RESP18: variants seen among roughly 807,000 people sequenced by gnomAD.
The protein encoded by RESP18 is regulated endocrine specific protein 18, also known as regulated endocrine-specific protein 18.
A neutral mutation model predicts 30.0 loss-of-function variants in RESP18; 30 were observed. That is an observed-to-expected ratio of 1.00 (90% CI 0.75 to 1.36). RESP18 has a LOEUF of 1.36. Among genes scored for constraint, RESP18 ranks in the 40% most tolerant of loss-of-function variants. RESP18 has a pLI of 0.00. For synonymous variants in RESP18, 117 were observed against 111.2 expected (o/e 1.05, Z -0.33); for missense variants, 320 against 284.2 (o/e 1.13, Z -0.91).
At chr2:219,332,184 C>T (rs1037989056) in intron 2 of RESP18, among the ~76,000 whole-genome samples, 2 of 152,164 alleles carry the variant, frequency 1.3e-5, no homozygotes, top group African/African-American at 4.8e-5. Context: ...GCCAAGACCC[C>T]GATACCCGCA....
chr2:219,332,990 A>G (rs994814048), intron 1 of RESP18, among the ~76,000 whole-genome samples: 1 of 152,120 alleles, frequency 6.6e-6, no homozygotes, highest in African/African-American at 2.4e-5. Flanking sequence ...TCAAATATGA[A>G]CAGCGATGAA....
chr2:219,329,570 A>G, intron 4 of RESP18, 67 bp downstream of exon 3: 1 of 1,545,132 alleles, frequency 6.5e-7, no homozygotes, highest in Non-Finnish European at 8.8e-7. Flanking sequence ...GTTTTAGCAC[A>G]CATTCCTTCC....
intron 1 of RESP18, 78 bp from the exon 1 acceptor site, chr2:219,332,822 C>T: frequency 9.3e-7 from 1 of 1,077,426 alleles, no homozygotes. Context: ...CCCCTACCGC[C>T]TCCCCACCCT....
At chr2:219,330,363 A>G (rs938528163) in intron 3 of RESP18, among the ~76,000 whole-genome samples, 20 of 151,500 alleles carry the variant, frequency 1.3e-4, no homozygotes, top group African/African-American at 4.9e-4. Context: ...TGGACTCTCC[A>G]CTCCCTTTCA....
chr2:219,332,755 G>A lies in RESP18; in HGVS notation c.18-17C>T, dbSNP rs1222890471. Reference sequence around the variant, plus strand: ...ACTCCGAATCTGTTTAACCCTCCTCGGCAGTTCAGCCAATCGTGAGCGGGC... The same window carrying A: ...ACTCCGAATCTGTTTAACCCTCCTCAGCAGTTCAGCCAATCGTGAGCGGGC... On this transcript the variant is annotated splice_polypyrimidine_tract_variant and intron_variant, in intron 1 of 6. Transcript: ENST00000333527. The A allele has an allele frequency of 1.3e-6, 2 of 1,521,150 alleles. No individual in the cohort carries two copies. The highest frequency in any genetic ancestry group is 1.7e-4 in the Middle Eastern group (1 of 5,850). The allele number at this position is 1,521,150 out of a possible 1,614,324, so 94.2% of individuals were successfully genotyped here.
Position 219,327,552 on chromosome 2 carries a change from C to A in RESP18, c.652G>T (p.Ala218Ser). The A allele has an allele frequency of 6.4e-7, 1 of 1,551,560 alleles. No individual in the cohort carries two copies. The highest frequency in any genetic ancestry group is 2.4e-5 in the East Asian group (1 of 40,916). Residue 218 changes from alanine (A) to serine (S), a missense_variant, in exon 7 of 7, where the codon GCC (alanine) becomes TCC (serine). By Grantham distance (99) the Ala-to-Ser change is moderately conservative. Coordinates refer to ENST00000333527, the MANE Select transcript of RESP18 (RefSeq NM_001007089.4). Reference sequence around the variant, plus strand: ...GGTTGCGGCCCACAGTAGGAAGTGGCCCAGAGAAGCCCTAAAACAAGAAGA... The same window carrying A: ...GGTTGCGGCCCACAGTAGGAAGTGGACCAGAGAAGCCCTAAAACAAGAAGA...
rs995263981 is a variant in RESP18 at position 219,333,120 on chromosome 2, T to C, written c.17+41A>G. Reference sequence around the variant, plus strand: ...TCTGCTATATATATATATATAATATTATATATTATATATTATATATGGCAC... The same window carrying C: ...TCTGCTATATATATATATATAATATCATATATTATATATTATATATGGCAC... On this transcript the variant is annotated intron_variant, in intron 1 of 6. Coordinates refer to ENST00000333527, the MANE Select transcript of RESP18 (RefSeq NM_001007089.4). 3.9e-5 allele frequency: 33 copies of C among 835,728 alleles called. No individual in the cohort carries two copies. The Admixed American group carries it at 1.1e-3, about 29-fold the overall frequency. 51.8% of individuals were successfully genotyped at this position (835,728 alleles called of 1,614,324 possible).
At chr2:219,330,284 T>C (rs1952816344) in intron 3 of RESP18, among the ~76,000 whole-genome samples, 1 of 152,014 alleles carries the variant, frequency 6.6e-6, no homozygotes, top group Admixed American at 6.5e-5. Flanking sequence ...GAAGATTTCC[T>C]AGCTGACTGT....
chr2:219,330,966 C>T (rs1443019739), intron 2 of RESP18, 91 bp from the exon 2 acceptor site: 1 of 756,030 alleles, frequency 1.3e-6, no homozygotes, highest in South Asian at 1.5e-5. Flanking sequence ...ACTGTCACTC[C>T]TGGACCCCTG....
intron 3 of RESP18, 24 bp downstream of exon 2, chr2:219,330,747 C>T: frequency 6.8e-7 from 1 of 1,478,868 alleles, no homozygotes; most frequent in South Asian, 1.2e-5. Flanking sequence ...AGGCCCCAAC[C>T]TCTGTTCTCC....
At chr2:219,328,051 C>T (rs931357634) in intron 6 of RESP18, among the ~76,000 whole-genome samples, 2 of 152,238 alleles carry the variant, frequency 1.3e-5, no homozygotes, top group African/African-American at 2.4e-5. Flanking sequence ...TTCAAGCCAC[C>T]TCGGTCTCCC....
chr2:219,328,474 A>C (rs1476217471), intron 6 of RESP18, among the ~76,000 whole-genome samples: 2 of 151,088 alleles, frequency 1.3e-5, no homozygotes, highest in Non-Finnish European at 2.9e-5. Flanking sequence ...AGTGTGGAGG[A>C]GTCTGATGTT....
chr2:219,329,078 C>T (rs766420187), intron 5 of RESP18, 70 bp from the exon 5 acceptor site: 1 of 1,473,220 alleles, frequency 6.8e-7, no homozygotes, highest in Non-Finnish European at 9.3e-7. Flanking sequence ...GCGATCTGCC[C>T]TCACCTCAAT....
At position 219,327,417 on chromosome 2, in the gene RESP18, A is replaced by G. The variant is rs547978209; in HGVS notation, c.*100T>C. 15 of 1,085,270 alleles carry G rather than the reference A, an allele frequency of 1.4e-5. No homozygotes were observed. The African/African-American group carries it at 2.0e-4, about 15-fold the overall frequency. 67.2% of individuals were successfully genotyped at this position (1,085,270 alleles called of 1,614,324 possible). Reference sequence around the variant, plus strand: ...AAGACAAACTCAGTGTTTGCATGAGAGTCTACTTTAATGATTCAAATCTGG... The same window carrying G: ...AAGACAAACTCAGTGTTTGCATGAGGGTCTACTTTAATGATTCAAATCTGG... On this transcript the variant is annotated 3_prime_UTR_variant, in exon 7 of 7. Transcript: ENST00000333527.
At position 219,332,639 on chromosome 2, in the gene RESP18, C is replaced by T. The variant is rs778920864; in HGVS notation, c.117G>A (p.Glu39=). 6.4e-7 allele frequency: 1 copy of T among 1,551,450 alleles called. No homozygotes were observed. The highest frequency in any genetic ancestry group is 8.7e-7 in the Non-Finnish European group (1 of 1,146,974). Reference sequence around the variant, plus strand: ...ACAGTGGGTGCTGTATCCTCCCAGGCTCGGCGCGCTCACTCCCCGGCCAAG... The same window carrying T: ...ACAGTGGGTGCTGTATCCTCCCAGGTTCGGCGCGCTCACTCCCCGGCCAAG... Residue 39 remains glutamate, a synonymous_variant, in exon 2 of 7, where the codon GAG becomes GAA. Coordinates refer to ENST00000333527, the MANE Select transcript of RESP18 (RefSeq NM_001007089.4).
chr2:219,332,754 C>T lies in RESP18; in HGVS notation c.18-16G>A, dbSNP rs1177769312. 9 of 1,522,610 alleles carry T rather than the reference C, an allele frequency of 5.9e-6. No individual in the cohort carries two copies. Among genetic ancestry groups the T allele is most frequent in the Non-Finnish European group, 8.0e-6 (9 of 1,128,592 alleles). 94.3% of individuals were successfully genotyped at this position (1,522,610 alleles called of 1,614,324 possible). ...GACTCCGAATCTGTTTAACCCTCCTCGGCAGTTCAGCCAATCGTGAGCGGG... is the reference window on the plus strand; with the variant it reads ...GACTCCGAATCTGTTTAACCCTCCTTGGCAGTTCAGCCAATCGTGAGCGGG... On this transcript the variant is annotated splice_polypyrimidine_tract_variant and intron_variant, in intron 1 of 6. Transcript: ENST00000333527.
chr2:219,327,905 C>A (rs991235519), intron 6 of RESP18, among the ~76,000 whole-genome samples: 17 of 152,212 alleles, frequency 1.1e-4, no homozygotes, highest in Admixed American at 4.6e-4. Flanking sequence ...CTTAGGAAGC[C>A]CAGCTGCCAC....
Position 219,329,737 on chromosome 2 carries a change from T to C in RESP18, c.365A>G (p.Gln122Arg), listed in dbSNP as rs199608794. The C allele has an allele frequency of 3.1e-3, 4,746 of 1,551,690 alleles. 7 individuals carry two copies. The highest frequency in any genetic ancestry group is 3.9e-3 in the Non-Finnish European group (4,465 of 1,146,990). ...CTCCATCTTTTGGATCATTGCATCC[T>C]GGGTGATGTCATCCTTCCAGAACAG... The change falls in exon 4 of 7, where the codon CAG becomes CGG. Residue 122 changes from glutamine (Q) to arginine (R), a missense_variant. Physicochemically the swap from Gln to Arg is conservative, Grantham distance 43 (BLOSUM62 1). Transcript: ENST00000333527.
chr2:219,330,736 C>A, intron 3 of RESP18, 35 bp downstream of exon 2: 1 of 1,395,910 alleles, frequency 7.2e-7, no homozygotes. Context: ...CATCTCTAAC[C>A]AGGCCCCAAC....
Sources: gnomAD v4.1 joint callset for allele counts (sites outside exome capture counted in the v4.1 genomes callset) on GRCh38, gnomAD v4.1.1 for gene constraint, MANE v1.5 for transcripts, NCBI Gene and HGNC (gene_info 2026-07-23, HGNC 2026-07-21) for gene names.